DOK4: variants seen among roughly 807,000 people sequenced by gnomAD.
DOK4 encodes docking protein 4, also known as downstream of tyrosine kinase 4.
A neutral mutation model predicts 40.1 loss-of-function variants in DOK4; 26 were observed. The ratio of observed to expected loss-of-function variants is 0.65; its 90% confidence interval spans 0.48 to 0.90. The LOEUF (loss-of-function observed/expected upper bound fraction) is 0.90, where lower values mean the gene tolerates loss of function less well. Ranked by LOEUF, DOK4 falls within the 40% of genes least tolerant of loss-of-function variation. The pLI, the probability that DOK4 is intolerant of heterozygous loss-of-function variation, is 0.00. For synonymous variants in DOK4, 179 were observed against 177.0 expected (o/e 1.01, Z -0.09); for missense variants, 392 against 437.2 (o/e 0.90, Z 0.92).
chr16:57,475,699 T>TCCCG, intron 3 of DOK4, 79 bp from the exon 4 acceptor site: 1 of 629,280 alleles, frequency 1.6e-6, no homozygotes, highest in Non-Finnish European at 2.6e-6. Flanking sequence ...TCTCTCTCCC[T>TCCCG]CCCTCCCTCT....
intron 2 of DOK4, among the ~76,000 whole-genome samples, chr16:57,477,168 C>T (rs1395574285): frequency 1.3e-5 from 2 of 152,192 alleles, no homozygotes; most frequent in Non-Finnish European, 2.9e-5. Flanking sequence ...CTGTGCCATG[C>T]GTACACTAGG....
chr16:57,487,275 GTCCCT>G (rs2031565679), upstream of DOK4: 2 of 152,222 alleles, frequency 1.3e-5, no homozygotes, highest in South Asian at 2.1e-4. Context: ...TCAAAGTGTA[GTCCCT>G]GGACCAGAAG....
chr16:57,479,646 C>T lies in DOK4; in HGVS notation c.-139G>A, dbSNP rs1312103802. The T allele has an allele frequency of 6.2e-6, 5 of 807,368 alleles. No individual in the cohort carries two copies. Among genetic ancestry groups the T allele is most frequent in the Non-Finnish European group, 1.0e-5 (5 of 487,590 alleles). The allele number at this position is 807,368 out of a possible 1,614,324, so 50.0% of individuals were successfully genotyped here. A position where few individuals can be genotyped will look rare whatever the true frequency, so the allele number is the denominator to read the frequency against. Reference sequence around the variant, plus strand: ...CCGCGAGGGGCTGCTCCTCACCTCACCCGCCTCAGCATTGTTCTAGCAGCT... The same window carrying T: ...CCGCGAGGGGCTGCTCCTCACCTCATCCGCCTCAGCATTGTTCTAGCAGCT... On this transcript the variant is annotated 5_prime_UTR_variant, in exon 2 of 9. It adds an upstream start codon to the 5' untranslated region. Coordinates refer to ENST00000340099, the Ensembl canonical transcript of DOK4. The surrounding 1 kb of genome is among the most constrained non-coding windows in gnomAD (Gnocchi z 5.8).
chr16:57,474,117 C>G, intron 6 of DOK4, 78 bp from the exon 7 acceptor site: 2 of 1,584,160 alleles, frequency 1.3e-6, no homozygotes, highest in Non-Finnish European at 8.6e-7. Flanking sequence ...TCTCTTGCAA[C>G]TGCAAGTTGT....
intron 1 of DOK4, among the ~76,000 whole-genome samples, chr16:57,483,180 G>A (rs188151165): frequency 9.8e-5 from 15 of 152,324 alleles, no homozygotes; most frequent in Admixed American, 8.5e-4. Context: ...GGAAAGGTCA[G>A]GGCCAATAGG....
At chr16:57,476,284 T>C (rs2031180519) in intron 2 of DOK4, 1 of 349,564 alleles carries the variant, frequency 2.9e-6, no homozygotes, top group Non-Finnish European at 5.5e-6. Context: ...TGCTCACACC[T>C]GTTATTAGCA....
intron 2 of DOK4, among the ~76,000 whole-genome samples, chr16:57,477,033 C>T (rs553527643): frequency 6.6e-6 from 1 of 152,336 alleles, no homozygotes; most frequent in East Asian, 1.9e-4. Flanking sequence ...AAAAGCCCGA[C>T]AGAGCCTGTT....
Position 57,475,517 on chromosome 16 carries a change from G to T in DOK4, c.278C>A (p.Thr93Asn), listed in dbSNP as rs1419798292. 3 of 1,606,862 alleles carry T rather than the reference G, an allele frequency of 1.9e-6. No individual in the cohort carries two copies. In the South Asian group the frequency reaches 3.3e-5, roughly 18 times the overall value. ...TACTCGCGCCTCACCTGAGTCGCAGGTGAAGGTACGTGCCGAGTCATCAGT... is the reference window on the plus strand; with the variant it reads ...TACTCGCGCCTCACCTGAGTCGCAGTTGAAGGTACGTGCCGAGTCATCAGT... Residue 93 changes from threonine (T) to asparagine (N), a missense_variant, in exon 4 of 9, where the codon ACC becomes AAC. By Grantham distance (65) the Thr-to-Asn change is moderately conservative. Transcript: ENST00000340099.
chr16:57,473,580 G>A (rs775643859), intron 8 of DOK4, 33 bp downstream of exon 8: 3 of 1,614,132 alleles, frequency 1.9e-6, no homozygotes, highest in Non-Finnish European at 2.5e-6. Context: ...AAAGCCTCCT[G>A]GCAGGTGGGT....
At chr16:57,476,019 C>T (rs1203147181) in intron 2 of DOK4, 62 bp from the exon 3 acceptor site, 1 of 1,378,128 alleles carries the variant, frequency 7.3e-7, no homozygotes, top group Admixed American at 1.9e-5. Flanking sequence ...CCAGCATGGC[C>T]CTGCAGCCAC....
Position 57,473,678 on chromosome 16 carries a change from G to A in DOK4, c.797C>T (p.Pro266Leu), listed in dbSNP as rs370144496. 12 of 1,614,092 alleles carry A rather than the reference G, an allele frequency of 7.4e-6. No individual in the cohort carries two copies. The highest frequency in any genetic ancestry group is 5.5e-5 in the South Asian group (5 of 91,084). Residue 266 changes from proline (P) to leucine (L), a missense_variant, in exon 8 of 9, where the codon CCG (proline) becomes CTG (leucine). Pro to Leu is a moderately conservative substitution (Grantham distance 98). Coordinates refer to ENST00000340099, the Ensembl canonical transcript of DOK4. Reference sequence around the variant, plus strand: ...GATGTGGTGCCAGTAGGCACTGCGCGGCAGCATGGTCGTGGGTGTGCAGGG... The same window carrying A: ...GATGTGGTGCCAGTAGGCACTGCGCAGCAGCATGGTCGTGGGTGTGCAGGG...
chr16:57,483,297 C>T (rs991647616), intron 1 of DOK4, among the ~76,000 whole-genome samples: 1 of 152,130 alleles, frequency 6.6e-6, no homozygotes, highest in Non-Finnish European at 1.5e-5. Context: ...AGCGAGGCGG[C>T]CCCCAAGCTG....
In DOK4 at chr16:57,479,684, G is replaced by C. The variant is rs187291808; in HGVS notation, c.-177C>G. On this transcript the variant is annotated 5_prime_UTR_variant, in exon 2 of 9. Coordinates refer to ENST00000340099, the Ensembl canonical transcript of DOK4. The surrounding 1 kb of genome is among the most constrained non-coding windows in gnomAD (Gnocchi z 5.8). ...TGTTCTAGCAGCTCCTTCGCCCCGC[G>C]CCTGCTGGAAATAAAAATGACAGGG... is the stretch of plus-strand genomic sequence containing the variant. The C allele has an allele frequency of 1.8e-6, 1 of 561,172 alleles. No individual in the cohort carries two copies. Among genetic ancestry groups the C allele is most frequent in the Non-Finnish European group, 3.1e-6 (1 of 318,188 alleles). 34.8% of individuals were successfully genotyped at this position (561,172 alleles called of 1,614,324 possible).
At chr16:57,475,269 C>G in intron 4 of DOK4, 50 bp from the exon 5 acceptor site, 1 of 1,587,668 alleles carries the variant, frequency 6.3e-7, no homozygotes. Flanking sequence ...GGTAGCCCAC[C>G]CCGTCTGCCC....
At position 57,478,828 on chromosome 16, in the gene DOK4, A is replaced by G. The variant is rs567010530; in HGVS notation, c.66+614T>C. Among the ~76,000 whole-genome samples, 300 of 152,248 alleles carry G rather than the reference A, an allele frequency of 2.0e-3. 1 individual carries two copies. Among genetic ancestry groups the G allele is most frequent in the African/African-American group, 7.1e-3 (293 of 41,530 alleles). ...CTGGACCATTCTGCCCAAAGTTCTC[A>G]TTTGGAAACCACATAAATATCAGCT... On this transcript the variant is annotated intron_variant, in intron 2 of 8. Transcript: ENST00000340099.
At chr16:57,484,194 C>G (rs999084452) in intron 1 of DOK4, 1 of 152,614 alleles carries the variant, frequency 6.6e-6, no homozygotes, top group Non-Finnish European at 1.5e-5. Flanking sequence ...AATGACTGAG[C>G]GAGCGGCTGC....
At position 57,474,784 on chromosome 16, in the gene DOK4, G is replaced by A; in HGVS notation, c.599+9C>T. On this transcript the variant is annotated intron_variant, in intron 6 of 8. Transcript: ENST00000340099. ...AGTAGGACAGGGCTGGGAGGCGAGAGGGTCCTACCGGCCAGCCTCGAAGGT... is the reference window on the plus strand; with the variant it reads ...AGTAGGACAGGGCTGGGAGGCGAGAAGGTCCTACCGGCCAGCCTCGAAGGT... The A allele has an allele frequency of 1.2e-6, 2 of 1,613,048 alleles. No individual in the cohort carries two copies. Among genetic ancestry groups the A allele is most frequent in the Non-Finnish European group, 8.5e-7 (1 of 1,179,762 alleles).
In DOK4 at chr16:57,479,681, C is replaced by A; in HGVS notation, c.-174G>T. On this transcript the variant is annotated 5_prime_UTR_variant, in exon 2 of 9. Coordinates refer to ENST00000340099, the Ensembl canonical transcript of DOK4. The surrounding 1 kb of genome is among the most constrained non-coding windows in gnomAD (Gnocchi z 5.8). ...CATTGTTCTAGCAGCTCCTTCGCCCCGCGCCTGCTGGAAATAAAAATGACA... is the reference window on the plus strand; with the variant it reads ...CATTGTTCTAGCAGCTCCTTCGCCCAGCGCCTGCTGGAAATAAAAATGACA... 1.8e-6 allele frequency: 1 copy of A among 567,906 alleles called. No homozygotes were observed. Among genetic ancestry groups the A allele is most frequent in the Non-Finnish European group, 3.1e-6 (1 of 322,850 alleles). The allele number at this position is 567,906 out of a possible 1,614,324, so 35.2% of individuals were successfully genotyped here.
intron 3 of DOK4, 81 bp downstream of exon 3, chr16:57,475,769 C>G: frequency 8.2e-7 from 1 of 1,219,668 alleles, no homozygotes; most frequent in Non-Finnish European, 1.2e-6. Flanking sequence ...CCCTCTCTCC[C>G]TCTCTCCCCT....
Sources: allele counts gnomAD v4.1 joint callset (sites outside exome capture counted in the v4.1 genomes callset), GRCh38; gene constraint gnomAD v4.1.1; non-coding constraint Gnocchi (gnomAD v3.1); transcripts MANE v1.5; gene names NCBI Gene and HGNC (gene_info 2026-07-23, HGNC 2026-07-21).